RBFOX1: variants seen among roughly 807,000 people sequenced by gnomAD.
The protein encoded by RBFOX1 is RNA binding fox-1 homolog 1.
RBFOX1 carries 8 observed loss-of-function variants against 57.7 expected under a neutral mutation model. The ratio of observed to expected loss-of-function variants is 0.14; its 90% CI spans 0.08 to 0.25. The LOEUF is 0.25. Among genes scored for constraint, RBFOX1 ranks in the 10% least tolerant of loss-of-function variants. The pLI is 1.00. For synonymous variants in RBFOX1, 326 were observed against 222.4 expected, an observed-to-expected ratio of 1.47 and a Z score of -4.15; for missense variants, 611 against 548.5, an observed-to-expected ratio of 1.11 and a Z score of -1.14.
chr16:7,015,837 T>C (rs182546307), intron 3 of RBFOX1, among the ~76,000 whole-genome samples: 1 of 152,230 alleles, frequency 6.6e-6, no homozygotes, highest in East Asian at 1.9e-4. Flanking sequence ...TATTCCACAA[T>C]AAGCAATTGT....
chr16:7,509,585 G>T (rs78483360), intron 4 of RBFOX1, among the ~76,000 whole-genome samples: 4,640 of 152,268 alleles, frequency 0.03, 221 homozygotes, highest in African/African-American at 0.1. Flanking sequence ...TACACAGCCA[G>T]TCTGCAAAAG....
At chr16:7,153,231 T>A (rs2076427988) in intron 4 of RBFOX1, among the ~76,000 whole-genome samples, 1 of 152,006 alleles carries the variant, frequency 6.6e-6, no homozygotes, top group Non-Finnish European at 1.5e-5. Flanking sequence ...CAACTTTGAG[T>A]CTGGTAATGT....
intron 3 of RBFOX1, among the ~76,000 whole-genome samples, chr16:6,811,868 A>C (rs915236093): frequency 6.6e-6 from 1 of 152,180 alleles, no homozygotes; most frequent in Non-Finnish European, 1.5e-5. Context: ...GAGCCTGGGC[A>C]ACACGAGTGA....
intron 2 of RBFOX1, among the ~76,000 whole-genome samples, chr16:5,553,702 T>A (rs2045559129): frequency 1.4e-5 from 1 of 73,440 alleles, no homozygotes; most frequent in East Asian, 2.0e-4. Context: ...TATATATGTA[T>A]ATATATGTGT....
At chr16:5,823,014 G>C (rs566739619) in intron 3 of RBFOX1, among the ~76,000 whole-genome samples, 2 of 152,272 alleles carry the variant, frequency 1.3e-5, no homozygotes, top group East Asian at 3.9e-4. Context: ...CTGTGTAGTA[G>C]ATCTCAAGGA....
chr16:5,552,396 C>G (rs1000415253), intron 2 of RBFOX1, among the ~76,000 whole-genome samples: 1 of 152,206 alleles, frequency 6.6e-6, no homozygotes, highest in Non-Finnish European at 1.5e-5. Context: ...GGGCTAGTGA[C>G]TTCCCAAAGG....
chr16:6,431,896 G>GCTTGCTTTCTTTCTTTCTTTCTTT (rs1491277692), intron 2 of RBFOX1, among the ~76,000 whole-genome samples: 16 of 128,196 alleles, frequency 1.2e-4, no homozygotes, highest in Non-Finnish European at 1.8e-4. Flanking sequence ...TTGCTTGCTT[G>GCTTGCTTTCTTTCTTTCTTTCTTT]CTTTCTTTCT....
chr16:5,297,715 G>T (rs1326878807), intron 1 of RBFOX1, among the ~76,000 whole-genome samples: 2 of 152,134 alleles, frequency 1.3e-5, no homozygotes, highest in African/African-American at 2.4e-5. Context: ...AAGGAGTTTA[G>T]ACTTGAGGCC....
intron 5 of RBFOX1, among the ~76,000 whole-genome samples, chr16:7,543,717 GTGTT>G (rs1372084460): frequency 7.6e-4 from 63 of 82,462 alleles, no homozygotes; most frequent in African/African-American, 2.8e-3. Context: ...GTGTGTGTGT[GTGTT>G]TATTTTTTAT....
chr16:6,528,046 C>T (rs2096605435), intron 2 of RBFOX1, among the ~76,000 whole-genome samples: 1 of 152,150 alleles, frequency 6.6e-6, no homozygotes, highest in African/African-American at 2.4e-5. Context: ...TTCTACCTTA[C>T]ATCCTTTCCA....
At chr16:7,664,792 A>T in intron 12 of RBFOX1, 137 bp from the exon 13 acceptor site, 7 of 1,530,724 alleles carry the variant, frequency 4.6e-6, no homozygotes, top group Non-Finnish European at 6.3e-6. Flanking sequence ...AACCTCCTTA[A>T]TCCAATGTGA....
At chr16:7,558,599 T>A (rs1567821754) in intron 5 of RBFOX1, among the ~76,000 whole-genome samples, 1 of 152,154 alleles carries the variant, frequency 6.6e-6, no homozygotes, top group Admixed American at 6.5e-5. Context: ...CATTTTTTAT[T>A]AAAGGTTGTG....
At chr16:6,811,572 T>G (rs555782463) in intron 3 of RBFOX1, among the ~76,000 whole-genome samples, 3 of 152,294 alleles carry the variant, frequency 2.0e-5, no homozygotes, top group African/African-American at 7.2e-5. Context: ...TTGGGAAGAT[T>G]AGCAACCTGG....
chr16:5,665,753 C>T (rs2049822737), intron 3 of RBFOX1, among the ~76,000 whole-genome samples: 2 of 152,180 alleles, frequency 1.3e-5, no homozygotes, highest in Non-Finnish European at 1.5e-5. Flanking sequence ...CTCAGCTGCC[C>T]CAGTCCCTCA....
chr16:7,191,242 A>C (rs1282969190), intron 4 of RBFOX1, among the ~76,000 whole-genome samples: 2 of 152,060 alleles, frequency 1.3e-5, no homozygotes, highest in Non-Finnish European at 2.9e-5. Flanking sequence ...TCAGTCTTTA[A>C]TATTTGATGG....
intron 5 of RBFOX1, among the ~76,000 whole-genome samples, chr16:7,576,887 G>C (rs558218941): frequency 2.0e-5 from 3 of 152,258 alleles, no homozygotes; most frequent in South Asian, 4.1e-4. Flanking sequence ...TGGAAGCTTA[G>C]GGTTTCAGCT....
chr16:5,983,669 C>A (rs1489938447), intron 4 of RBFOX1, among the ~76,000 whole-genome samples: 1 of 152,164 alleles, frequency 6.6e-6, no homozygotes. Context: ...GTAACTCAAC[C>A]TCCATCCTGC....
At chr16:7,060,813 C>A (rs1461694480) in intron 4 of RBFOX1, among the ~76,000 whole-genome samples, 3 of 152,200 alleles carry the variant, frequency 2.0e-5, no homozygotes, top group African/African-American at 7.2e-5. Context: ...CTGGTAAGTT[C>A]CCTCTCTGGA....
chr16:7,593,702 G>A (rs1208632916), intron 7 of RBFOX1, among the ~76,000 whole-genome samples: 2 of 151,828 alleles, frequency 1.3e-5, no homozygotes, highest in African/African-American at 2.4e-5. Flanking sequence ...GTATTCCCAG[G>A]ATGTGTGGCC....
Sources: gnomAD v4.1 joint callset for allele counts (sites outside exome capture counted in the v4.1 genomes callset) on GRCh38, gnomAD v4.1.1 for gene constraint, MANE v1.5 for transcripts, NCBI Gene and HGNC (gene_info 2026-07-23, HGNC 2026-07-21) for gene names.